Variants in KCNN2 observed in about 807,000 individuals in gnomAD.
KCNN2 encodes potassium calcium-activated channel subfamily N member 2, also known as small conductance calcium-activated potassium channel protein 2.
In KCNN2, 24 loss-of-function variants were observed where a neutral mutation model predicts 55.5. The observed-to-expected ratio is 0.43, with a 90% CI of 0.31 to 0.61. KCNN2 has a LOEUF of 0.61. KCNN2 is among the 20% of genes least tolerant of loss of function. The pLI, the probability that KCNN2 is intolerant of heterozygous loss-of-function variation, is 0.08. For missense variants in KCNN2, 754 were observed against 853.6 expected, an observed-to-expected ratio of 0.88 and a Z score of 1.45; for synonymous variants, 431 against 336.1, an observed-to-expected ratio of 1.28 and a Z score of -3.09.
At chr5:114,452,454 A>G (rs1841249) in intron 3 of KCNN2, among the ~76,000 whole-genome samples, 5,713 of 152,222 alleles carry the variant, frequency 0.038, 136 homozygotes, top group Non-Finnish European at 0.06. Flanking sequence ...GCCTTACCAC[A>G]TTTTAAGCTT....
chr5:114,247,286 AACAG>A (rs1227503982), intron 2 of KCNN2, among the ~76,000 whole-genome samples: 3 of 151,300 alleles, frequency 2.0e-5, no homozygotes, highest in Admixed American at 2.0e-4. Context: ...ACTCTTCTGT[AACAG>A]ACAGTTTTCT....
At chr5:114,350,569 T>C (rs1757189111) in intron 2 of KCNN2, among the ~76,000 whole-genome samples, 1 of 151,982 alleles carries the variant, frequency 6.6e-6, no homozygotes, top group African/African-American at 2.4e-5. Flanking sequence ...ACTCAAATGC[T>C]TTGAGTTTTA....
intron 1 of KCNN2, among the ~76,000 whole-genome samples, chr5:114,165,583 T>A (rs778604699): frequency 1.3e-4 from 20 of 152,152 alleles, no homozygotes; most frequent in Non-Finnish European, 2.5e-4. Flanking sequence ...CTGTAAGATA[T>A]TAAAACCATA....
intron 2 of KCNN2, among the ~76,000 whole-genome samples, chr5:114,231,477 G>A (rs1754357230): frequency 6.7e-6 from 1 of 149,640 alleles, no homozygotes; most frequent in South Asian, 2.1e-4. Context: ...TGTAAGGAAG[G>A]GATCCAGTTT....
chr5:114,336,150 A>C (rs1169409580), intron 2 of KCNN2, among the ~76,000 whole-genome samples: 1 of 152,236 alleles, frequency 6.6e-6, no homozygotes, highest in Non-Finnish European at 1.5e-5. Flanking sequence ...CTTGTTTTGC[A>C]AAGTGCTTAA....
chr5:114,427,297 G>T (rs567515004), intron 3 of KCNN2, among the ~76,000 whole-genome samples: 1 of 152,286 alleles, frequency 6.6e-6, no homozygotes, highest in Admixed American at 6.5e-5. Context: ...ATTTTGACAT[G>T]TGGGTTTGAT....
At chr5:114,275,381 A>G (rs1005196768) in intron 2 of KCNN2, among the ~76,000 whole-genome samples, 1 of 152,068 alleles carries the variant, frequency 6.6e-6, no homozygotes, top group Admixed American at 6.6e-5. Flanking sequence ...CTCTTTTTCT[A>G]TTGATTGGAA....
At chr5:114,382,446 G>A (rs1488532922) in intron 2 of KCNN2, among the ~76,000 whole-genome samples, 2 of 152,170 alleles carry the variant, frequency 1.3e-5, no homozygotes, top group Non-Finnish European at 2.9e-5. Flanking sequence ...TCTTTGTGAG[G>A]TTATTTCTTC....
intron 2 of KCNN2, among the ~76,000 whole-genome samples, chr5:114,231,646 A>G (rs1004431543): frequency 4.0e-5 from 6 of 151,176 alleles, no homozygotes; most frequent in Admixed American, 6.6e-5. Context: ...TTTTACTTCT[A>G]AGATTTTTCT....
chr5:114,126,401 C>A (rs1228888897), intron 1 of KCNN2, among the ~76,000 whole-genome samples: 1 of 152,056 alleles, frequency 6.6e-6, no homozygotes, highest in Non-Finnish European at 1.5e-5. Context: ...TGGCCTTCTT[C>A]ATATGGCAGC....
intron 3 of KCNN2, among the ~76,000 whole-genome samples, chr5:114,449,180 T>C (rs67647257): frequency 0.078 from 11,848 of 152,182 alleles, 844 homozygotes; most frequent in African/African-American, 0.2. Flanking sequence ...CACCCTATGT[T>C]GCTCCTGCCT....
chr5:114,492,966 C>A (rs1264149837), intron 6 of KCNN2, among the ~76,000 whole-genome samples: 1 of 151,988 alleles, frequency 6.6e-6, no homozygotes, highest in Non-Finnish European at 1.5e-5. Flanking sequence ...CCATTTCGGA[C>A]TAAACAGGGC....
rs1182444208 is a variant in KCNN2, at chr5:114,113,275, C to A, written c.-271+56775C>A. 2.6e-5 allele frequency among the ~76,000 whole-genome samples: 4 copies of A among 151,920 alleles called. No homozygotes were observed. In the East Asian group the frequency reaches 7.8e-4, roughly 29 times the overall value. On this transcript the variant is annotated intron_variant, in intron 1 of 10. Coordinates refer to the KCNN2 transcript ENST00000512097. The stretch of plus-strand genomic sequence containing the variant: ...CTTACTCAGAATGACTGTCAGCTGC[C>A]TAGGATCTTTCATGAAATAATGTTT...
chr5:114,403,385 A>T (rs1042283756), intron 2 of KCNN2, among the ~76,000 whole-genome samples: 5 of 152,222 alleles, frequency 3.3e-5, no homozygotes, highest in Non-Finnish European at 7.3e-5. Flanking sequence ...TGTGACTTGT[A>T]ATAGTCCCTG....
intron 2 of KCNN2, among the ~76,000 whole-genome samples, chr5:114,330,308 T>A (rs932708223): frequency 2.6e-5 from 4 of 152,188 alleles, no homozygotes; most frequent in African/African-American, 9.6e-5. Context: ...ACAACCTCCA[T>A]AATTCACATG....
intron 3 of KCNN2, among the ~76,000 whole-genome samples, chr5:114,424,491 C>G (rs185636660): frequency 6.6e-6 from 1 of 152,206 alleles, no homozygotes; most frequent in African/African-American, 2.4e-5. Context: ...CCACTGCCTA[C>G]ATCTTATGCC....
intron 2 of KCNN2, among the ~76,000 whole-genome samples, chr5:114,291,146 T>A (rs1228691875): frequency 5.9e-5 from 9 of 152,026 alleles, no homozygotes; most frequent in Non-Finnish European, 1.3e-4. Context: ...GTTATTAAAA[T>A]ATTTTAAAAT....
intron 1 of KCNN2, among the ~76,000 whole-genome samples, chr5:114,216,412 A>G (rs1754002219): frequency 6.6e-6 from 1 of 152,188 alleles, no homozygotes; most frequent in South Asian, 2.1e-4. Context: ...CAAAAGTGTA[A>G]TCCCTGAAAC....
intron 1 of KCNN2, among the ~76,000 whole-genome samples, chr5:114,079,822 T>G (rs1163810745): frequency 7.7e-6 from 1 of 130,264 alleles, no homozygotes; most frequent in Non-Finnish European, 1.6e-5. Flanking sequence ...AGATACTTAA[T>G]ATGTGTGTGT....
Sources: allele counts gnomAD v4.1 joint callset (sites outside exome capture counted in the v4.1 genomes callset), GRCh38; gene constraint gnomAD v4.1.1; transcripts MANE v1.5; gene names NCBI Gene and HGNC (gene_info 2026-07-23, HGNC 2026-07-21).